The following DCC variants were observed in gnomAD, a reference collection of about 807,000 sequenced individuals.
DCC encodes DCC netrin 1 receptor.
DCC carries 58 observed loss-of-function variants against 172.5 expected under a neutral mutation model. The ratio of observed to expected loss-of-function variants is 0.34; its 90% CI spans 0.27 to 0.42. The LOEUF is 0.42. Among genes scored for constraint, DCC ranks in the 10% least tolerant of loss-of-function variants. DCC has a pLI of 1.00. For missense variants in DCC, 1,740 were observed against 1,791.0 expected (o/e 0.97, Z 0.51); for synonymous variants, 709 against 644.5 (o/e 1.10, Z -1.52).
intron 1 of DCC, among the ~76,000 whole-genome samples, chr18:52,673,572 A>G (rs2035593465): frequency 6.6e-6 from 1 of 152,210 alleles, no homozygotes; most frequent in South Asian, 2.1e-4. Flanking sequence ...GTGTTTGCCA[A>G]GTTTCTTCAC....
At chr18:52,549,663 CTTT>C (rs1422936157) in intron 1 of DCC, among the ~76,000 whole-genome samples, 1 of 152,074 alleles carries the variant, frequency 6.6e-6, no homozygotes, top group Non-Finnish European at 1.5e-5. Flanking sequence ...TTAATTTCAT[CTTT>C]TTGTAGTAGC....
intron 13 of DCC, among the ~76,000 whole-genome samples, chr18:53,316,428 C>T (rs1467602148): frequency 6.6e-6 from 1 of 151,580 alleles, no homozygotes; most frequent in Non-Finnish European, 1.5e-5. Context: ...ATTATCTTGG[C>T]TATGCAGGCT....
intron 1 of DCC, among the ~76,000 whole-genome samples, chr18:52,637,303 A>G (rs1296978392): frequency 6.6e-6 from 1 of 152,206 alleles, no homozygotes; most frequent in Non-Finnish European, 1.5e-5. Flanking sequence ...CCAGCAATGG[A>G]TCCAAACCAA....
Position 52,751,996 on chromosome 18 carries a change from C to A in DCC, c.92-58C>A. The stretch of plus-strand genomic sequence containing the variant: ...GCTTTGTAAAGAAAAGACAGGGAAT[C>A]TAAGCCTGAGATTTATTTGAATACA... On this transcript the variant is annotated intron_variant, in intron 1 of 28. Coordinates refer to ENST00000442544, the MANE Select transcript of DCC (RefSeq NM_005215.4). 3 of 1,443,066 alleles carry A rather than the reference C, an allele frequency of 2.1e-6. No individual in the cohort carries two copies. The South Asian group carries it at 3.5e-5, about 17-fold the overall frequency. The allele number at this position is 1,443,066 out of a possible 1,614,324, so 89.4% of individuals were successfully genotyped here.
At chr18:53,525,612 G>T (rs193252665) in intron 27 of DCC, among the ~76,000 whole-genome samples, 8 of 151,996 alleles carry the variant, frequency 5.3e-5, no homozygotes, top group Non-Finnish European at 4.4e-5. Flanking sequence ...TTATCTGATT[G>T]TAGAGTAACC....
At chr18:52,732,381 C>T (rs1022663501) in intron 1 of DCC, among the ~76,000 whole-genome samples, 22 of 152,100 alleles carry the variant, frequency 1.4e-4, no homozygotes, top group African/African-American at 3.9e-4. Context: ...GTCTTATCCA[C>T]GATTTATTCA....
chr18:52,794,544 C>A (rs1185617739), intron 2 of DCC, among the ~76,000 whole-genome samples: 1 of 151,828 alleles, frequency 6.6e-6, no homozygotes, highest in Admixed American at 6.6e-5. Flanking sequence ...TTGGTGGAGT[C>A]TTTAGGTTTT....
chr18:52,879,201 CT>C (rs1018850190), intron 2 of DCC, among the ~76,000 whole-genome samples: 3 of 152,060 alleles, frequency 2.0e-5, no homozygotes, highest in African/African-American at 4.8e-5. Context: ...ACCTTTGCTT[CT>C]TTTTCCTTTC....
intron 5 of DCC, among the ~76,000 whole-genome samples, chr18:52,948,300 A>G (rs1160362242): frequency 7.3e-6 from 1 of 137,480 alleles, no homozygotes; most frequent in Non-Finnish European, 1.5e-5. Flanking sequence ...CCATAATTCT[A>G]TCACAGTGTT....
At chr18:53,467,025 G>A (rs190857109) in intron 24 of DCC, among the ~76,000 whole-genome samples, 4 of 152,130 alleles carry the variant, frequency 2.6e-5, no homozygotes, top group African/African-American at 9.6e-5. Flanking sequence ...GAATAAAAAA[G>A]TTTCAAAAAA....
At chr18:52,785,807 C>T (rs368485183) in intron 2 of DCC, among the ~76,000 whole-genome samples, 58 of 152,190 alleles carry the variant, frequency 3.8e-4, no homozygotes, top group Middle Eastern at 3.4e-3. Flanking sequence ...TTAATCCCCT[C>T]ATGACTTCTG....
chr18:52,791,463 T>G (rs2037767716), intron 2 of DCC, among the ~76,000 whole-genome samples: 1 of 149,904 alleles, frequency 6.7e-6, no homozygotes, highest in African/African-American at 2.4e-5. Flanking sequence ...CTGCTGTTTT[T>G]TGTGTTTTGT....
At chr18:53,473,945 A>G (rs1209847797) in intron 25 of DCC, among the ~76,000 whole-genome samples, 1 of 152,182 alleles carries the variant, frequency 6.6e-6, no homozygotes, top group African/African-American at 2.4e-5. Context: ...GAGTTTTTGT[A>G]GGCCTAAAAT....
intron 2 of DCC, among the ~76,000 whole-genome samples, chr18:52,856,936 C>T (rs2039065685): frequency 6.6e-6 from 1 of 152,106 alleles, no homozygotes; most frequent in Admixed American, 6.6e-5. Context: ...TTCCAGTGCT[C>T]CTTGACAATT....
intron 1 of DCC, among the ~76,000 whole-genome samples, chr18:52,718,701 A>G (rs538555379): frequency 1.3e-5 from 2 of 152,278 alleles, no homozygotes; most frequent in South Asian, 4.1e-4. Context: ...ACGTTGAACA[A>G]AATTATCTAC....
chr18:52,466,401 A>T (rs1470779812), intron 1 of DCC, among the ~76,000 whole-genome samples: 1 of 152,176 alleles, frequency 6.6e-6, no homozygotes, highest in Non-Finnish European at 1.5e-5. Context: ...TAGCATGGGA[A>T]ACTCGAAAAA....
chr18:53,411,401 A>G (rs1909981348), intron 20 of DCC, among the ~76,000 whole-genome samples: 1 of 152,206 alleles, frequency 6.6e-6, no homozygotes, highest in Non-Finnish European at 1.5e-5. Flanking sequence ...TTAAAGTTGT[A>G]TATTTAAGGC....
At chr18:52,858,041 C>A (rs915148450) in intron 2 of DCC, among the ~76,000 whole-genome samples, 4 of 152,282 alleles carry the variant, frequency 2.6e-5, no homozygotes, top group Middle Eastern at 3.4e-3. Context: ...ATTGCTGGAA[C>A]CTCATCCTGA....
chr18:52,390,297 G>T (rs1013288228), intron 1 of DCC, among the ~76,000 whole-genome samples: 1 of 151,978 alleles, frequency 6.6e-6, no homozygotes, highest in African/African-American at 2.4e-5. Context: ...TATTTCCAAA[G>T]CTCTACCTGC....
Sources: allele counts gnomAD v4.1 joint callset (sites outside exome capture counted in the v4.1 genomes callset), GRCh38; gene constraint gnomAD v4.1.1; transcripts MANE v1.5; gene names NCBI Gene and HGNC (gene_info 2026-07-23, HGNC 2026-07-21).